Variants in ENTREP2 observed in about 807,000 individuals in gnomAD.
The protein encoded by ENTREP2 is protein ENTREP2.
the ENTREP2 span, chr15:29,570,696 G>C: frequency 3.5e-6 from 4 of 1,147,034 alleles, no homozygotes; most frequent in African/African-American, 6.6e-5. Context: ...GCGGGACGCG[G>C]CGCTCGGGGG....
the ENTREP2 span, among the ~76,000 whole-genome samples, chr15:29,643,493 C>A: frequency 6.6e-6 from 1 of 151,382 alleles, no homozygotes; most frequent in African/African-American, 2.5e-5. Flanking sequence ...TCAAAAAAGA[C>A]ATGAAGAGGC....
At chr15:29,506,553 A>C in the ENTREP2 span, among the ~76,000 whole-genome samples, 71 of 152,138 alleles carry the variant, frequency 4.7e-4, no homozygotes, top group African/African-American at 1.7e-3. Flanking sequence ...GACTAACAGC[A>C]GATCTCTCTG....
chr15:29,320,798 G>T, the ENTREP2 span, among the ~76,000 whole-genome samples: 6 of 152,134 alleles, frequency 3.9e-5, no homozygotes, highest in Non-Finnish European at 8.8e-5. Context: ...CAGTGAGCTT[G>T]AAGATAGGTC....
the ENTREP2 span, among the ~76,000 whole-genome samples, chr15:29,523,741 A>T: frequency 6.6e-6 from 1 of 152,074 alleles, no homozygotes; most frequent in South Asian, 2.1e-4. Context: ...ATACATTTAT[A>T]GTCAATTGAT....
chr15:29,117,980 A>C, the ENTREP2 span: 1 of 152,428 alleles, frequency 6.6e-6, no homozygotes, highest in Non-Finnish European at 1.5e-5. Context: ...CACTCTAGAA[A>C]ACGCGACCTT....
chr15:29,404,206 C>T, the ENTREP2 span, among the ~76,000 whole-genome samples: 1 of 152,124 alleles, frequency 6.6e-6, no homozygotes, highest in African/African-American at 2.4e-5. Context: ...TGAAAAGACA[C>T]ACCCTGGGAA....
the ENTREP2 span, among the ~76,000 whole-genome samples, chr15:29,168,502 G>A: frequency 6.6e-6 from 1 of 152,142 alleles, no homozygotes; most frequent in Admixed American, 6.5e-5. Flanking sequence ...ACATCCTGGG[G>A]CAGATCTAGG....
At chr15:29,593,093 T>C in the ENTREP2 span, among the ~76,000 whole-genome samples, 115,305 of 152,112 alleles carry the variant, frequency 0.76, 43,979 homozygotes, top group South Asian at 0.83. Context: ...GGGACACATT[T>C]GAACCATAGC....
chr15:29,132,877 C>T, the ENTREP2 span, among the ~76,000 whole-genome samples: 10 of 152,240 alleles, frequency 6.6e-5, no homozygotes, highest in South Asian at 6.2e-4. Flanking sequence ...CAGGGAGAAC[C>T]GGGAAGCAGG....
chr15:29,586,918 G>A, the ENTREP2 span, among the ~76,000 whole-genome samples: 1 of 152,134 alleles, frequency 6.6e-6, no homozygotes, highest in Admixed American at 6.5e-5. Context: ...GGTAGTATTA[G>A]TATTAGCATG....
At chr15:29,252,353 C>A in the ENTREP2 span, 7 of 1,478,712 alleles carry the variant, frequency 4.7e-6, no homozygotes, top group Non-Finnish European at 6.5e-6. Flanking sequence ...AAAGGGTTTG[C>A]ATTTCATTAC....
chr15:29,624,049 C>T, the ENTREP2 span, among the ~76,000 whole-genome samples: 31 of 152,188 alleles, frequency 2.0e-4, no homozygotes, highest in African/African-American at 6.3e-4. Context: ...CCAGTCCCTT[C>T]TTTTGGCCTC....
At chr15:29,645,627 G>A in the ENTREP2 span, among the ~76,000 whole-genome samples, 27 of 151,578 alleles carry the variant, frequency 1.8e-4, no homozygotes, top group African/African-American at 5.6e-4. Context: ...GTGTGGTCTC[G>A]GCTCACTACA....
At chr15:29,651,285 A>G in the ENTREP2 span, among the ~76,000 whole-genome samples, 3 of 152,234 alleles carry the variant, frequency 2.0e-5, no homozygotes, top group Non-Finnish European at 4.4e-5. Context: ...TAGATTTTCA[A>G]AAACTTCACC....
chr15:29,649,981 C>T, the ENTREP2 span, among the ~76,000 whole-genome samples: 1 of 152,014 alleles, frequency 6.6e-6, no homozygotes, highest in African/African-American at 2.4e-5. Flanking sequence ...TCTGTACTAT[C>T]ATAACCACCC....
the ENTREP2 span, among the ~76,000 whole-genome samples, chr15:29,190,721 C>G: frequency 1.3e-5 from 2 of 152,090 alleles, no homozygotes; most frequent in African/African-American, 4.8e-5. Context: ...ATAGGATTTC[C>G]CCCACATAAA....
At chr15:29,399,990 G>A in the ENTREP2 span, among the ~76,000 whole-genome samples, 1 of 152,114 alleles carries the variant, frequency 6.6e-6, no homozygotes, top group Non-Finnish European at 1.5e-5. Context: ...CATATAAGTG[G>A]ACCTATGCTG....
chr15:29,263,999 C>T, the ENTREP2 span, among the ~76,000 whole-genome samples: 1 of 151,688 alleles, frequency 6.6e-6, no homozygotes, highest in East Asian at 1.9e-4. Context: ...ACTAAAAACA[C>T]AAAAAATTAG....
At chr15:29,450,398 T>C in the ENTREP2 span, among the ~76,000 whole-genome samples, 3 of 152,208 alleles carry the variant, frequency 2.0e-5, no homozygotes, top group African/African-American at 7.2e-5. Flanking sequence ...CTTCAGTTGA[T>C]TTTTGTATAT....
Sources: gnomAD v4.1 joint callset for allele counts (sites outside exome capture counted in the v4.1 genomes callset) on GRCh38, gnomAD v4.1.1 for gene constraint, MANE v1.5 for transcripts, NCBI Gene and HGNC (gene_info 2026-07-23, HGNC 2026-07-21) for gene names.